The following CCDC178 variants were observed in gnomAD, a reference collection of about 807,000 sequenced individuals.
CCDC178 encodes the protein coiled-coil domain-containing protein 178.
CCDC178 carries 126 observed loss-of-function variants against 117.4 expected under a neutral mutation model. That is an observed-to-expected ratio of 1.07 (90% CI 0.93 to 1.24). The LOEUF is 1.24. CCDC178 is among the 50% of genes most tolerant of loss of function. The probability of loss-of-function intolerance (pLI) is 0.00; values close to 1 mark genes in which losing one functional copy is unlikely to be tolerated. For synonymous variants in CCDC178, 283 were observed against 313.4 expected, an observed-to-expected ratio of 0.90 and a Z score of 1.02; for missense variants, 1,030 against 986.9, an observed-to-expected ratio of 1.04 and a Z score of -0.59.
chr18:33,228,045 C>T (rs2094193250), intron 15 of CCDC178, among the ~76,000 whole-genome samples: 1 of 152,052 alleles, frequency 6.6e-6, no homozygotes, highest in African/African-American at 2.4e-5. Flanking sequence ...TCCAAAATAG[C>T]TCGATTTGAC....
chr18:32,965,538 C>T (rs2144671373), intron 22 of CCDC178, among the ~76,000 whole-genome samples: 1 of 151,976 alleles, frequency 6.6e-6, no homozygotes, highest in South Asian at 2.1e-4. Flanking sequence ...TTTACATTGT[C>T]TTCAATGGGT....
intron 21 of CCDC178, among the ~76,000 whole-genome samples, chr18:32,998,627 T>G (rs2055566265): frequency 6.6e-6 from 1 of 152,122 alleles, no homozygotes; most frequent in African/African-American, 2.4e-5. Flanking sequence ...GTCTTGCAAC[T>G]TGGATACTAG....
intron 21 of CCDC178, among the ~76,000 whole-genome samples, chr18:33,015,879 C>A (rs1017175087): frequency 1.3e-5 from 2 of 152,082 alleles, no homozygotes; most frequent in Non-Finnish European, 2.9e-5. Flanking sequence ...TGGAGGGGCT[C>A]AACAACAGAC....
intron 22 of CCDC178, among the ~76,000 whole-genome samples, chr18:32,959,598 C>A (rs1421440520): frequency 6.6e-6 from 1 of 151,812 alleles, no homozygotes; most frequent in Non-Finnish European, 1.5e-5. Flanking sequence ...AAAATGTATC[C>A]TAATTTTTTT....
chr18:32,945,882 T>C (rs2054335251), intron 22 of CCDC178, among the ~76,000 whole-genome samples: 1 of 152,214 alleles, frequency 6.6e-6, no homozygotes, highest in Non-Finnish European at 1.5e-5. Flanking sequence ...ATTAGTTTAA[T>C]TGGGCCCAAT....
chr18:33,421,466 GC>G (rs1192659064), intron 2 of CCDC178, among the ~76,000 whole-genome samples: 8 of 152,306 alleles, frequency 5.3e-5, no homozygotes, highest in African/African-American at 1.9e-4. Flanking sequence ...AATTTTGCAA[GC>G]CAGTTGTGGT....
chr18:33,245,602 G>A (rs762639693), intron 14 of CCDC178, among the ~76,000 whole-genome samples, 174 bp from the exon 15 acceptor site: 1 of 151,922 alleles, frequency 6.6e-6, no homozygotes, highest in Non-Finnish European at 1.5e-5. Flanking sequence ...TTATTCTGCT[G>A]CTTCTGATGG....
At position 33,167,866 on chromosome 18, in the gene CCDC178, C is replaced by CCAAATAAATAAA. The variant is rs1796227007; in HGVS notation, c.2238+44029_2238+44030insTTTATTTATTTG. Among the ~76,000 whole-genome samples the CCAAATAAATAAA allele has an allele frequency of 5.4e-5, 8 of 148,728 alleles. No homozygotes were observed. In the South Asian group the frequency reaches 1.7e-3, roughly 32 times the overall value. On this transcript the variant is annotated intron_variant, in intron 20 of 22. Coordinates refer to ENST00000383096, the MANE Select transcript of CCDC178 (RefSeq NM_001105528.4). ...TGGGTGAGAGAGTGAGACTCTGTCT[C>CCAAATAAATAAA]TAAATAAATAAATAAATAAATAAAT... is the stretch of plus-strand genomic sequence containing the variant.
At chr18:32,942,861 T>A (rs2054270570) in intron 22 of CCDC178, among the ~76,000 whole-genome samples, 1 of 152,206 alleles carries the variant, frequency 6.6e-6, no homozygotes, top group Admixed American at 6.5e-5. Flanking sequence ...AACTCAAGAT[T>A]GCATAGCTGA....
chr18:33,285,460 C>G (rs971898580), intron 12 of CCDC178, among the ~76,000 whole-genome samples: 1 of 152,066 alleles, frequency 6.6e-6, no homozygotes, highest in Non-Finnish European at 1.5e-5. Flanking sequence ...AGAAAAGTTT[C>G]AAAATTCATT....
chr18:33,435,996 T>C (rs1032495409), intron 2 of CCDC178, among the ~76,000 whole-genome samples: 5 of 152,092 alleles, frequency 3.3e-5, no homozygotes, highest in Admixed American at 3.3e-4. Flanking sequence ...CCAATATTCA[T>C]GAGAAGGTTT....
At chr18:33,061,753 A>T (rs1454599803) in intron 21 of CCDC178, among the ~76,000 whole-genome samples, 1 of 152,206 alleles carries the variant, frequency 6.6e-6, no homozygotes, top group Non-Finnish European at 1.5e-5. Context: ...TATTTAGATG[A>T]TCTATAAATG....
intron 9 of CCDC178, among the ~76,000 whole-genome samples, chr18:33,342,962 T>C (rs529529285): frequency 3.3e-5 from 5 of 152,338 alleles, no homozygotes; most frequent in African/African-American, 9.6e-5. Flanking sequence ...ATAATTATCT[T>C]TGTAATCTGT....
intron 20 of CCDC178, among the ~76,000 whole-genome samples, chr18:33,148,011 C>T (rs532833496): frequency 9.3e-4 from 140 of 150,568 alleles, no homozygotes; most frequent in Non-Finnish European, 1.3e-3. Flanking sequence ...ACCTCCCTCC[C>T]GGACGGGGCG....
At chr18:33,165,551 T>C (rs1568028883) in intron 20 of CCDC178, among the ~76,000 whole-genome samples, 1 of 152,228 alleles carries the variant, frequency 6.6e-6, no homozygotes, top group Non-Finnish European at 1.5e-5. Context: ...TACAAAATTC[T>C]AATTTTCATT....
intron 20 of CCDC178, among the ~76,000 whole-genome samples, chr18:33,138,258 T>C (rs1311264728): frequency 6.6e-6 from 1 of 152,230 alleles, no homozygotes; most frequent in Non-Finnish European, 1.5e-5. Flanking sequence ...TACTTATTAA[T>C]GTTTATGTAT....
intron 15 of CCDC178, among the ~76,000 whole-genome samples, chr18:33,244,867 CT>C (rs1236001860): frequency 1.3e-5 from 2 of 151,896 alleles, no homozygotes; most frequent in Non-Finnish European, 1.5e-5. Context: ...ACTAGAGGTA[CT>C]TTCTATTCTC....
At chr18:33,361,689 G>C (rs927205676) in intron 6 of CCDC178, among the ~76,000 whole-genome samples, 2 of 151,536 alleles carry the variant, frequency 1.3e-5, no homozygotes, top group Non-Finnish European at 3.0e-5. Flanking sequence ...ATGGAAAACA[G>C]GTATGCAAAA....
At chr18:32,974,322 C>G (rs1441365633) in intron 22 of CCDC178, among the ~76,000 whole-genome samples, 1 of 152,130 alleles carries the variant, frequency 6.6e-6, no homozygotes, top group Non-Finnish European at 1.5e-5. Flanking sequence ...GAAATCAGTT[C>G]TGAGGTTTGT....
Sources: gnomAD v4.1 joint callset for allele counts (sites outside exome capture counted in the v4.1 genomes callset) on GRCh38, gnomAD v4.1.1 for gene constraint, MANE v1.5 for transcripts, NCBI Gene and HGNC (gene_info 2026-07-23, HGNC 2026-07-21) for gene names.